Variants in SGSM1 observed in about 807,000 individuals in gnomAD.
SGSM1 encodes RUN and TBC1 domain containing 2.
Under a neutral mutation model 133.8 loss-of-function variants are expected in SGSM1, and 73 were observed. That is an observed-to-expected ratio of 0.55 (90% CI 0.45 to 0.66). The LOEUF (loss-of-function observed/expected upper bound fraction) is 0.66. Among genes scored for constraint, SGSM1 ranks in the 30% least tolerant of loss-of-function variants. The probability of loss-of-function intolerance (pLI) is 0.00; values close to 1 mark genes in which losing one functional copy is unlikely to be tolerated. For synonymous variants in SGSM1, 563 were observed against 573.0 expected (o/e 0.98, Z 0.25); for missense variants, 1,213 against 1,448.1 (o/e 0.84, Z 2.64).
At chr22:24,870,655 T>C (rs1465582916) in intron 12 of SGSM1, among the ~76,000 whole-genome samples, 1 of 152,172 alleles carries the variant, frequency 6.6e-6, no homozygotes, top group Non-Finnish European at 1.5e-5. Context: ...CCTCAGTATC[T>C]CTTTGCCTGA....
At chr22:24,916,938 G>A (rs530676540) in intron 22 of SGSM1, among the ~76,000 whole-genome samples, 1 of 151,962 alleles carries the variant, frequency 6.6e-6, no homozygotes, top group Admixed American at 6.6e-5. Context: ...GAGTTCAGTG[G>A]TGTAATCATA....
At chr22:24,868,919 G>A in intron 12 of SGSM1, 64 bp downstream of exon 12, 3 of 1,577,756 alleles carry the variant, frequency 1.9e-6, no homozygotes, top group East Asian at 2.3e-5. Context: ...ATGACTCCAG[G>A]TGTTTGAAAC....
At position 24,895,251 on chromosome 22, in the gene SGSM1, A is replaced by G. The variant is rs1932887298; in HGVS notation, c.1982A>G (p.Gln661Arg). ...TCCCAGAGCTGCAGTTCGGGCCGCCAGAACATCCGCCTGCACAGCGACTCC... is the reference window on the plus strand; with the variant it reads ...TCCCAGAGCTGCAGTTCGGGCCGCCGGAACATCCGCCTGCACAGCGACTCC... ...ESSQSCSSGR[Q>R]NIRLHSDSSS... The change falls in exon 18 of 25, where the codon CAG (glutamine) becomes CGG (arginine). Residue 661 changes from glutamine to arginine, a missense_variant. Transcript: ENST00000400358. 6.2e-7 allele frequency: 1 copy of G among 1,612,080 alleles called. No individual in the cohort carries two copies. Among genetic ancestry groups the G allele is most frequent in the Non-Finnish European group, 8.5e-7 (1 of 1,179,282 alleles).
intron 24 of SGSM1, among the ~76,000 whole-genome samples, chr22:24,920,753 G>C (rs556060963): frequency 1.3e-5 from 2 of 152,288 alleles, no homozygotes; most frequent in South Asian, 4.1e-4. Context: ...TAAACTTTTT[G>C]GGGGAATAAT....
chr22:24,923,391 A>C (rs1404662505), intron 24 of SGSM1, among the ~76,000 whole-genome samples: 1 of 152,156 alleles, frequency 6.6e-6, no homozygotes, highest in African/African-American at 2.4e-5. Flanking sequence ...TATTTATGAT[A>C]AATGTCTACG....
At chr22:24,867,268 C>G in intron 10 of SGSM1, 108 bp downstream of exon 10, 1 of 1,043,508 alleles carries the variant, frequency 9.6e-7, no homozygotes, top group Non-Finnish European at 1.5e-6. Context: ...TGGTGGACAC[C>G]CCATGTTACC....
chr22:24,889,947 G>A (rs1194993884), intron 16 of SGSM1, among the ~76,000 whole-genome samples: 1 of 145,282 alleles, frequency 6.9e-6, no homozygotes, highest in African/African-American at 2.6e-5. Flanking sequence ...CACCGGGCCT[G>A]GCCTTAAATG....
intron 15 of SGSM1, 24 bp downstream of exon 15, chr22:24,884,222 T>A (rs73879156): frequency 6.3e-7 from 1 of 1,598,500 alleles, no homozygotes; most frequent in African/African-American, 1.3e-5. Context: ...GGGCTTGGTC[T>A]GCAGTGATGC....
chr22:24,924,882 A>G lies in SGSM1; in HGVS notation c.*608A>G, dbSNP rs1934143114. On this transcript the variant is annotated 3_prime_UTR_variant, in exon 25 of 25. Transcript: ENST00000400358. ...CAGATGCCAGTAGTGCCATCCCCCA[A>G]CCATACCCCTGGTTGTGACAGCCCC... 6.6e-6 allele frequency: 1 copy of G among 152,534 alleles called. No homozygotes were observed. Among genetic ancestry groups the G allele is most frequent in the African/African-American group, 2.4e-5 (1 of 41,378 alleles). 9.4% of individuals were successfully genotyped at this position (152,534 alleles called of 1,614,324 possible). A position where few individuals can be genotyped will look rare whatever the true frequency, so the allele number is the denominator to read the frequency against.
chr22:24,883,608 C>T (rs1932448403), intron 14 of SGSM1, among the ~76,000 whole-genome samples: 1 of 152,168 alleles, frequency 6.6e-6, no homozygotes, highest in Non-Finnish European at 1.5e-5. Flanking sequence ...GCTCTGTCTT[C>T]CTTGTCTGGA....
intron 2 of SGSM1, among the ~76,000 whole-genome samples, chr22:24,811,196 C>T (rs1444274006): frequency 6.6e-6 from 1 of 152,058 alleles, no homozygotes; most frequent in African/African-American, 2.4e-5. Flanking sequence ...TGCTCACATT[C>T]CTGCAATACA....
intron 2 of SGSM1, among the ~76,000 whole-genome samples, chr22:24,832,722 G>T (rs1165565551): frequency 2.6e-5 from 4 of 152,164 alleles, no homozygotes; most frequent in African/African-American, 9.6e-5. Context: ...CACTAGGGCT[G>T]CCCTTACGGT....
At chr22:24,808,896 C>G (rs1230694394) in intron 2 of SGSM1, among the ~76,000 whole-genome samples, 1 of 152,128 alleles carries the variant, frequency 6.6e-6, no homozygotes, top group East Asian at 1.9e-4. Context: ...TTTTTGATGT[C>G]AGAGCCACAC....
At chr22:24,901,168 A>G (rs1000413731) in intron 19 of SGSM1, 2 of 152,230 alleles carry the variant, frequency 1.3e-5, no homozygotes, top group Non-Finnish European at 2.9e-5. Flanking sequence ...CAAAGTGACA[A>G]CATTCATGAG....
At chr22:24,836,523 C>G (rs1031783941) in intron 2 of SGSM1, among the ~76,000 whole-genome samples, 1 of 152,226 alleles carries the variant, frequency 6.6e-6, no homozygotes, top group African/African-American at 2.4e-5. Flanking sequence ...TTTGAAGAAC[C>G]ACCATACTGT....
intron 3 of SGSM1, among the ~76,000 whole-genome samples, chr22:24,845,645 G>A (rs1028190547): frequency 5.3e-5 from 8 of 152,128 alleles, no homozygotes; most frequent in South Asian, 4.1e-4. Flanking sequence ...TTCCCCTCCC[G>A]TGATCTTGGT....
At chr22:24,843,848 G>A (rs181167133) in intron 2 of SGSM1, 1 of 152,238 alleles carries the variant, frequency 6.6e-6, no homozygotes, top group Admixed American at 6.5e-5. Flanking sequence ...CACAGCCTGG[G>A]TGTCTGTCTC....
chr22:24,918,825 A>G (rs2123747364), intron 23 of SGSM1, among the ~76,000 whole-genome samples: 1 of 151,756 alleles, frequency 6.6e-6, no homozygotes, highest in South Asian at 2.1e-4. Flanking sequence ...TCCGCCTCCC[A>G]GGTTCAAATG....
chr22:24,898,967 C>G (rs1431632634), intron 19 of SGSM1, among the ~76,000 whole-genome samples: 1 of 131,756 alleles, frequency 7.6e-6, no homozygotes, highest in African/African-American at 2.8e-5. Flanking sequence ...GCGGAGCTTG[C>G]AGTGAGCCGA....
Sources: gnomAD v4.1 joint callset for allele counts (sites outside exome capture counted in the v4.1 genomes callset) on GRCh38, gnomAD v4.1.1 for gene constraint, MANE v1.5 for transcripts, NCBI Gene and HGNC (gene_info 2026-07-23, HGNC 2026-07-21) for gene names.